Variants in SHANK2 observed in about 807,000 individuals in gnomAD.
The protein encoded by SHANK2 is SH3 and multiple ankyrin repeat domains 2.
Under a neutral mutation model 133.7 loss-of-function variants are expected in SHANK2, and 43 were observed. That is an observed-to-expected ratio of 0.32 (90% CI 0.25 to 0.41). The LOEUF (loss-of-function observed/expected upper bound fraction) is 0.41, where lower values mean the gene tolerates loss of function less well. Among genes scored for constraint, SHANK2 ranks in the 10% least tolerant of loss-of-function variants. SHANK2 has a pLI of 1.00. For missense variants in SHANK2, 1,994 were observed against 2,235.8 expected, an observed-to-expected ratio of 0.89 and a Z score of 2.18; for synonymous variants, 1,017 against 952.8, an observed-to-expected ratio of 1.07 and a Z score of -1.24.
intron 6 of SHANK2, among the ~76,000 whole-genome samples, chr11:71,099,499 C>T (rs1355231050): frequency 6.6e-6 from 1 of 152,144 alleles, no homozygotes; most frequent in Admixed American, 6.5e-5. Flanking sequence ...ACAAATGTCT[C>T]CTGGCTATTG....
rs1286271765 is a variant in SHANK2, at chr11:70,855,653, G to A, written c.1175-34971C>T. The stretch of plus-strand genomic sequence containing the variant: ...GTAACGCTAAACCAGCAGACCCTGA[G>A]GGCAGAGAAGCTGCCTTCCATGGCA... On this transcript the variant is annotated intron_variant, in intron 11 of 25. Transcript: ENST00000601538. Among the ~76,000 whole-genome samples the A allele has an allele frequency of 2.0e-5, 3 of 152,264 alleles. No homozygotes were observed. In the East Asian group the frequency reaches 5.8e-4, roughly 29 times the overall value.
At chr11:70,826,864 T>A (rs1218857671) in intron 11 of SHANK2, 1 of 204,518 alleles carries the variant, frequency 4.9e-6, no homozygotes, top group Non-Finnish European at 1.0e-5. Flanking sequence ...GTCCTCGAGC[T>A]GGCAGCTGGG....
chr11:71,087,194 G>T (rs1951430924), intron 8 of SHANK2, among the ~76,000 whole-genome samples: 1 of 152,186 alleles, frequency 6.6e-6, no homozygotes, highest in Admixed American at 6.5e-5. Flanking sequence ...CCCTTTGCAG[G>T]CCAGGAGTCA....
intron 11 of SHANK2, among the ~76,000 whole-genome samples, chr11:70,837,708 C>G (rs782597889): frequency 6.6e-6 from 1 of 152,144 alleles, no homozygotes; most frequent in African/African-American, 2.4e-5. Context: ...GGCACGGTGG[C>G]TCATGCCTGT....
intron 2 of SHANK2, among the ~76,000 whole-genome samples, chr11:71,172,623 AAAAAGAAAAG>A (rs1162606317): frequency 6.6e-6 from 1 of 151,802 alleles, no homozygotes; most frequent in Non-Finnish European, 1.5e-5. Context: ...GAAAAAAAGA[AAAAAGAAAAG>A]AAAAGAAACA....
At chr11:71,128,739 C>CCAGCCAGT (rs1565467308) in intron 3 of SHANK2, among the ~76,000 whole-genome samples, 1 of 152,216 alleles carries the variant, frequency 6.6e-6, no homozygotes, top group African/African-American at 2.4e-5. Context: ...ACTGCAACGT[C>CCAGCCAGT]CAGCCAGTTA....
At chr11:71,101,830 T>C (rs1469723040) in intron 6 of SHANK2, among the ~76,000 whole-genome samples, 1 of 152,126 alleles carries the variant, frequency 6.6e-6, no homozygotes, top group Non-Finnish European at 1.5e-5. Context: ...GTGACACAGC[T>C]ACAGCAGCAA....
intron 11 of SHANK2, among the ~76,000 whole-genome samples, chr11:70,860,315 T>C (rs1555067559): frequency 6.6e-6 from 1 of 152,228 alleles, no homozygotes. Context: ...TCAGCCTGAA[T>C]GTCCCCTTAG....
At chr11:70,766,305 G>C (rs1035009615) in intron 14 of SHANK2, among the ~76,000 whole-genome samples, 22 of 152,208 alleles carry the variant, frequency 1.4e-4, no homozygotes, top group Non-Finnish European at 2.9e-5. Context: ...GCTGCCCTCT[G>C]TCTTCTTTAA....
intron 3 of SHANK2, among the ~76,000 whole-genome samples, chr11:71,142,678 GAAAACATTCTT>G (rs1952579401): frequency 6.6e-6 from 1 of 151,920 alleles, no homozygotes; most frequent in Non-Finnish European, 1.5e-5. Flanking sequence ...CAAAATACAG[GAAAACATTCTT>G]AAAATGAAAA....
chr11:70,473,909 C>A lies in SHANK2; in HGVS notation c.4980-470G>T. ...AGAACGTGCCAGGCAACATCTCCAG[C>A]GCCTCAGCTTCAGCAGGTGGGAAGG... On this transcript the variant is annotated intron_variant, in intron 25 of 25. Transcript: ENST00000601538. The surrounding 1 kb of genome is among the most constrained non-coding windows in gnomAD (Gnocchi z 5.9). The A allele has an allele frequency of 4.1e-6, 1 of 246,350 alleles. No individual in the cohort carries two copies. Among genetic ancestry groups the A allele is most frequent in the Non-Finnish European group, 8.3e-6 (1 of 121,202 alleles). The allele number at this position is 246,350 out of a possible 1,614,324, so 15.3% of individuals were successfully genotyped here.
chr11:70,644,766 A>G (rs1033256192), intron 17 of SHANK2, among the ~76,000 whole-genome samples: 24 of 152,312 alleles, frequency 1.6e-4, no homozygotes, highest in Admixed American at 7.8e-4. Context: ...TGCTGTGCTC[A>G]TTTCATTGAT....
At chr11:71,148,567 T>C (rs1171189294) in intron 2 of SHANK2, among the ~76,000 whole-genome samples, 4 of 152,290 alleles carry the variant, frequency 2.6e-5, no homozygotes, top group Non-Finnish European at 4.4e-5. Flanking sequence ...GCAATTCCAC[T>C]TCTGGGTGCG....
intron 8 of SHANK2, among the ~76,000 whole-genome samples, chr11:71,081,538 T>G (rs1283078951): frequency 6.6e-6 from 1 of 152,224 alleles, no homozygotes; most frequent in African/African-American, 2.4e-5. Flanking sequence ...GAGGGCAGGA[T>G]AGAGGACCTG....
intron 8 of SHANK2, among the ~76,000 whole-genome samples, chr11:71,081,689 G>C (rs1049963779): frequency 2.0e-5 from 3 of 152,200 alleles, no homozygotes; most frequent in Middle Eastern, 3.2e-3. Flanking sequence ...CTCAGAGAGA[G>C]AGGATGCCTC....
chr11:70,893,970 A>G (rs1555075195), intron 11 of SHANK2, among the ~76,000 whole-genome samples: 1 of 152,250 alleles, frequency 6.6e-6, no homozygotes, highest in African/African-American at 2.4e-5. Context: ...TGATCAGAAC[A>G]GGTAAAGGGT....
intron 14 of SHANK2, among the ~76,000 whole-genome samples, chr11:70,715,218 A>G (rs1945884323): frequency 6.6e-6 from 1 of 152,218 alleles, no homozygotes; most frequent in South Asian, 2.1e-4. Flanking sequence ...AAAACCTGGA[A>G]TCCTAGGTTC....
At chr11:70,922,775 G>A (rs1950369264) in intron 10 of SHANK2, among the ~76,000 whole-genome samples, 1 of 152,118 alleles carries the variant, frequency 6.6e-6, no homozygotes, top group African/African-American at 2.4e-5. Flanking sequence ...AAATAAGTGA[G>A]CAAGTAATAA....
intron 17 of SHANK2, among the ~76,000 whole-genome samples, chr11:70,602,268 C>A (rs781986796): frequency 1.3e-5 from 2 of 152,214 alleles, no homozygotes; most frequent in Non-Finnish European, 2.9e-5. Context: ...GCCAATTACA[C>A]CTCTTTTCTT....
Sources: allele counts gnomAD v4.1 joint callset (sites outside exome capture counted in the v4.1 genomes callset), GRCh38; gene constraint gnomAD v4.1.1; non-coding constraint Gnocchi (gnomAD v3.1); transcripts MANE v1.5; gene names NCBI Gene and HGNC (gene_info 2026-07-23, HGNC 2026-07-21).